Variants in TEX36 observed in about 807,000 individuals in gnomAD.
TEX36 encodes testis-expressed protein 36.
A neutral mutation model predicts 13.6 loss-of-function variants in TEX36; 12 were observed. That is an observed-to-expected ratio of 0.88 (90% confidence interval 0.56 to 1.43). TEX36 has a LOEUF of 1.43. Among genes scored for constraint, TEX36 ranks in the 40% most tolerant of loss-of-function variants. The pLI is 0.00. For synonymous variants in TEX36, 93 were observed against 83.0 expected (o/e 1.12, Z -0.65); for missense variants, 224 against 228.3 (o/e 0.98, Z 0.12).
intron 3 of TEX36, among the ~76,000 whole-genome samples, chr10:125,612,487 C>A (rs1846303122): frequency 6.6e-6 from 1 of 152,154 alleles, no homozygotes; most frequent in Non-Finnish European, 1.5e-5. Context: ...CTATTTAGCT[C>A]AGCTAATATA....
chr10:125,621,367 T>G (rs1401759944), downstream of TEX36, among the ~76,000 whole-genome samples: 1 of 147,630 alleles, frequency 6.8e-6, no homozygotes, highest in Non-Finnish European at 1.5e-5. Flanking sequence ...GCATTTTCTG[T>G]TTTTTTTTTA....
intron 3 of TEX36, among the ~76,000 whole-genome samples, chr10:125,625,029 G>A (rs1846469609): frequency 6.6e-6 from 1 of 152,306 alleles, no homozygotes; most frequent in Admixed American, 6.5e-5. Context: ...CCAGACAATT[G>A]AGATGGCAAT....
At chr10:125,656,249 CTTTTTTTTTTT>C (rs66461124) in intron 3 of TEX36, 53 bp from the exon 4 acceptor site, 28 of 262,628 alleles carry the variant, frequency 1.1e-4, no homozygotes, top group African/African-American at 2.3e-4. Context: ...TCACATAGTT[CTTTTTTTTTTT>C]TTTTTTTTTT....
intron 3 of TEX36, among the ~76,000 whole-genome samples, chr10:125,638,331 T>G (rs1412610284): frequency 6.6e-6 from 1 of 151,154 alleles, no homozygotes; most frequent in Non-Finnish European, 1.5e-5. Flanking sequence ...AGTCCTATGT[T>G]TAAAAAAGAA....
intron 3 of TEX36, among the ~76,000 whole-genome samples, chr10:125,584,524 G>C (rs887351196): frequency 6.6e-6 from 1 of 152,188 alleles, no homozygotes; most frequent in African/African-American, 2.4e-5. Context: ...TCTACCTCCA[G>C]TTCATCTGTT....
chr10:125,665,787 G>C (rs575027249), intron 1 of TEX36, among the ~76,000 whole-genome samples: 6 of 152,254 alleles, frequency 3.9e-5, no homozygotes, highest in African/African-American at 1.4e-4. Context: ...CCTGTAGATT[G>C]CTTTAAGCAA....
Position 125,656,113 on chromosome 10 carries a change from T to C in TEX36, c.348A>G (p.Pro116=). The change falls in exon 4 of 4, where the codon CCA becomes CCG. Residue 116 remains proline, a synonymous_variant. Coordinates refer to ENST00000368821, the MANE Select transcript of TEX36 (RefSeq NM_001128202.3). ...TATTTGAAAAGCCATCAAGACAAGA[T>C]GGAACATAGTCACATGCCCAGAGAT... ...NFNLWACDYV[P]SCLDGFSNNQ... 6.4e-7 allele frequency: 1 copy of C among 1,550,872 alleles called. No individual in the cohort carries two copies. Among genetic ancestry groups the C allele is most frequent in the Non-Finnish European group, 8.7e-7 (1 of 1,146,878 alleles).
At chr10:125,657,119 T>C (rs527753967) in intron 3 of TEX36, among the ~76,000 whole-genome samples, 1 of 152,338 alleles carries the variant, frequency 6.6e-6, no homozygotes, top group East Asian at 1.9e-4. Context: ...GAAAACACTA[T>C]ACTGACATGA....
intron 1 of TEX36, 130 bp from the exon 2 acceptor site, chr10:125,662,107 A>G: frequency 1.7e-6 from 2 of 1,205,868 alleles, no homozygotes; most frequent in Non-Finnish European, 2.3e-6. Context: ...AAATGGCATA[A>G]TTTTTGTAAT....
At chr10:125,670,089 C>A (rs1790226302) in intron 1 of TEX36, among the ~76,000 whole-genome samples, 2 of 152,186 alleles carry the variant, frequency 1.3e-5, no homozygotes, top group Non-Finnish European at 2.9e-5. Flanking sequence ...AGAATGATTT[C>A]TATTCCTTTG....
chr10:125,600,039 C>G (rs956215263), intron 3 of TEX36, among the ~76,000 whole-genome samples: 3 of 152,190 alleles, frequency 2.0e-5, no homozygotes, highest in Admixed American at 2.0e-4. Context: ...CCTAACGTCT[C>G]TAGCCCAGTT....
intron 1 of TEX36, among the ~76,000 whole-genome samples, chr10:125,664,217 A>AT (rs1346020791): frequency 1.3e-5 from 2 of 152,146 alleles, no homozygotes; most frequent in Non-Finnish European, 2.9e-5. Context: ...TATGTGTACC[A>AT]TATTTCTTTA....
intron 3 of TEX36, among the ~76,000 whole-genome samples, chr10:125,635,873 A>G (rs569100606): frequency 6.6e-6 from 1 of 151,608 alleles, no homozygotes; most frequent in Non-Finnish European, 1.5e-5. Context: ...TTTCTAGGAC[A>G]CTTCATTTTT....
chr10:125,597,616 C>A (rs1839074350), intron 3 of TEX36, among the ~76,000 whole-genome samples: 1 of 152,210 alleles, frequency 6.6e-6, no homozygotes, highest in South Asian at 2.1e-4. Flanking sequence ...TTCAGAGATT[C>A]TTTGATTTGC....
intron 3 of TEX36, among the ~76,000 whole-genome samples, chr10:125,613,074 T>G (rs1445097810): frequency 6.6e-6 from 1 of 152,044 alleles, no homozygotes; most frequent in African/African-American, 2.4e-5. Context: ...GCTGAGAGAC[T>G]GAGAGCAGAA....
intron 3 of TEX36, among the ~76,000 whole-genome samples, chr10:125,583,654 G>C (rs1275496942): frequency 6.6e-6 from 1 of 152,070 alleles, no homozygotes; most frequent in Non-Finnish European, 1.5e-5. Flanking sequence ...CATCTATTTT[G>C]GTTAAAAATA....
chr10:125,654,410 C>T (rs1846909855), downstream of TEX36, among the ~76,000 whole-genome samples: 1 of 152,054 alleles, frequency 6.6e-6, no homozygotes, highest in African/African-American at 2.4e-5. Context: ...AAATTATAAA[C>T]CTTACTGAAG....
At chr10:125,627,443 G>C (rs1846501956) in intron 3 of TEX36, among the ~76,000 whole-genome samples, 3 of 151,994 alleles carry the variant, frequency 2.0e-5, no homozygotes, top group Non-Finnish European at 4.4e-5. Flanking sequence ...TGGCCTGTTA[G>C]AATATTTAAG....
intron 3 of TEX36, among the ~76,000 whole-genome samples, chr10:125,604,432 T>G (rs1846189975): frequency 6.6e-6 from 1 of 152,098 alleles, no homozygotes; most frequent in African/African-American, 2.4e-5. Flanking sequence ...TCCCAGCACT[T>G]TGGGAGGCTG....
Sources: gnomAD v4.1 joint callset for allele counts (sites outside exome capture counted in the v4.1 genomes callset) on GRCh38, gnomAD v4.1.1 for gene constraint, MANE v1.5 for transcripts, NCBI Gene and HGNC (gene_info 2026-07-23, HGNC 2026-07-21) for gene names.